Variants in SLIT3 observed in about 807,000 individuals in gnomAD.
The protein encoded by SLIT3 is slit guidance ligand 3.
In SLIT3, 68 loss-of-function variants were observed where a neutral mutation model predicts 184.0. The observed-to-expected ratio is 0.37, with a 90% CI of 0.30 to 0.45. The LOEUF is 0.45. SLIT3 is among the 20% of genes least tolerant of loss of function. The pLI, the probability that SLIT3 is intolerant of heterozygous loss-of-function variation, is 1.00. For missense variants in SLIT3, 1,707 were observed against 2,026.0 expected, an observed-to-expected ratio of 0.84 and a Z score of 3.02; for synonymous variants, 831 against 828.6, an observed-to-expected ratio of 1.00 and a Z score of -0.05.
chr5:169,267,417 C>T (rs1766436847), intron 1 of SLIT3, among the ~76,000 whole-genome samples: 1 of 152,206 alleles, frequency 6.6e-6, no homozygotes, highest in East Asian at 1.9e-4. Context: ...TAAGGCTCAG[C>T]ACAATACCTG....
chr5:169,006,605 T>TCTCTCTCTCTCTCTCA (rs899753279), intron 4 of SLIT3, among the ~76,000 whole-genome samples: 21 of 145,880 alleles, frequency 1.4e-4, no homozygotes, highest in African/African-American at 5.3e-4. Flanking sequence ...TCTCTCTCTC[T>TCTCTCTCTCTCTCTCA]CACACACACA....
At chr5:168,751,897 C>T (rs1370835735) in intron 18 of SLIT3, among the ~76,000 whole-genome samples, 6 of 152,118 alleles carry the variant, frequency 3.9e-5, no homozygotes, top group African/African-American at 9.7e-5. Flanking sequence ...ACCACCACCA[C>T]GCCCAGGCAA....
At chr5:168,997,449 G>C (rs552698613) in intron 4 of SLIT3, among the ~76,000 whole-genome samples, 1 of 152,200 alleles carries the variant, frequency 6.6e-6, no homozygotes, top group Non-Finnish European at 1.5e-5. Context: ...TTAACTGAAA[G>C]AGGGAGGGTC....
intron 4 of SLIT3, among the ~76,000 whole-genome samples, chr5:168,909,907 G>C (rs1037357009): frequency 6.6e-6 from 1 of 152,176 alleles, no homozygotes; most frequent in Non-Finnish European, 1.5e-5. Flanking sequence ...TCACATTTTA[G>C]AGAAACCTTT....
rs1757561654 is a variant in SLIT3 at position 168,822,412 on chromosome 5, A to T, written c.629+848T>A. ...ATTCTAGCCCTTGGCCTTGGCCCTA[A>T]ATGTTTTTGGCTGACACCCTTGGGA... On this transcript the variant is annotated intron_variant, in intron 7 of 35. Transcript: ENST00000519560. 3.3e-5 allele frequency among the ~76,000 whole-genome samples: 5 copies of T among 152,274 alleles called. No individual in the cohort carries two copies. The South Asian group carries it at 1.0e-3, about 32-fold the overall frequency.
At position 168,696,274 on chromosome 5, in the gene SLIT3, C is replaced by A; in HGVS notation, c.3082+18G>T. The A allele has an allele frequency of 6.2e-7, 1 of 1,614,108 alleles. No individual in the cohort carries two copies. Among genetic ancestry groups the A allele is most frequent in the South Asian group, 1.1e-5 (1 of 91,080 alleles). The stretch of plus-strand genomic sequence containing the variant: ...ACACCCCTCCACCCCACCATACATA[C>A]AGTCATGAGATCCTTACCTGTGTAG... On this transcript the variant is annotated intron_variant, in intron 28 of 35. Transcript: ENST00000519560.
intron 5 of SLIT3, among the ~76,000 whole-genome samples, chr5:168,871,578 A>C (rs1759521784): frequency 6.6e-6 from 1 of 152,030 alleles, no homozygotes; most frequent in Non-Finnish European, 1.5e-5. Context: ...TAACAGAAAG[A>C]GTGATGAAGT....
intron 12 of SLIT3, among the ~76,000 whole-genome samples, chr5:168,778,683 G>C (rs934804221): frequency 1.3e-5 from 2 of 152,238 alleles, no homozygotes; most frequent in South Asian, 4.1e-4. Flanking sequence ...GCCTGGCTCT[G>C]TGATCCCCTT....
intron 4 of SLIT3, among the ~76,000 whole-genome samples, chr5:169,079,856 A>AGGGAGGAGGAGGAGGGC (rs1758940722): frequency 1.2e-5 from 1 of 86,502 alleles, no homozygotes; most frequent in African/African-American, 4.5e-5. Context: ...AGGAGGAGGG[A>AGGGAGGAGGAGGAGGGC]GGGAGGAGGA....
chr5:168,889,553 G>A (rs1760358134), intron 4 of SLIT3, among the ~76,000 whole-genome samples: 2 of 152,196 alleles, frequency 1.3e-5, no homozygotes, highest in East Asian at 3.9e-4. Flanking sequence ...GTTACTGGAT[G>A]AAGGATATCA....
At chr5:169,032,069 A>G (rs1016686536) in intron 4 of SLIT3, among the ~76,000 whole-genome samples, 1 of 152,182 alleles carries the variant, frequency 6.6e-6, no homozygotes, top group African/African-American at 2.4e-5. Flanking sequence ...CCACATAACC[A>G]ACCCCTCTGG....
chr5:169,273,356 T>C (rs1766693911), intron 1 of SLIT3, among the ~76,000 whole-genome samples: 1 of 152,200 alleles, frequency 6.6e-6, no homozygotes. Context: ...GATCACTCTG[T>C]ACATTCAAGA....
At chr5:169,005,571 A>G (rs62378636) in intron 4 of SLIT3, among the ~76,000 whole-genome samples, 5,547 of 152,322 alleles carry the variant, frequency 0.036, 126 homozygotes, top group Middle Eastern at 0.065. Context: ...TCAGTTTAAC[A>G]CCATTTGGAA....
intron 1 of SLIT3, among the ~76,000 whole-genome samples, chr5:169,275,625 T>G (rs1042986711): frequency 1.8e-4 from 28 of 152,134 alleles, no homozygotes; most frequent in Admixed American, 2.0e-4. Context: ...ACTTCTTATA[T>G]GACAGCAGCA....
At chr5:169,189,729 C>T (rs532274571) in intron 4 of SLIT3, among the ~76,000 whole-genome samples, 1 of 151,564 alleles carries the variant, frequency 6.6e-6, no homozygotes, top group Admixed American at 6.6e-5. Context: ...CTGGTTCTGC[C>T]GCTAAGTAGT....
At chr5:169,180,012 A>G (rs940353881) in intron 4 of SLIT3, among the ~76,000 whole-genome samples, 2 of 152,190 alleles carry the variant, frequency 1.3e-5, no homozygotes, top group African/African-American at 4.8e-5. Flanking sequence ...ATAAATGAGC[A>G]AAAAGAATTT....
chr5:169,032,389 A>G (rs536120211), intron 4 of SLIT3, among the ~76,000 whole-genome samples: 1 of 152,318 alleles, frequency 6.6e-6, no homozygotes, highest in East Asian at 1.9e-4. Context: ...TAGAAACTTT[A>G]CAATTGATGA....
intron 4 of SLIT3, among the ~76,000 whole-genome samples, chr5:169,184,200 A>T (rs569434996): frequency 5.3e-4 from 81 of 152,396 alleles, no homozygotes; most frequent in African/African-American, 1.8e-3. Flanking sequence ...ATATGCGCTT[A>T]TAAGTTCAAA....
intron 4 of SLIT3, among the ~76,000 whole-genome samples, chr5:168,924,544 C>T (rs1402702335): frequency 2.0e-5 from 3 of 151,984 alleles, no homozygotes. Flanking sequence ...CACTCTGCCT[C>T]TGCCACCCAG....
Sources: allele counts gnomAD v4.1 joint callset (sites outside exome capture counted in the v4.1 genomes callset), GRCh38; gene constraint gnomAD v4.1.1; transcripts MANE v1.5; gene names NCBI Gene and HGNC (gene_info 2026-07-23, HGNC 2026-07-21).